MAN1A1: variants seen among roughly 807,000 people sequenced by gnomAD.
The protein encoded by MAN1A1 is mannosyl-oligosaccharide 1,2-alpha-mannosidase IA.
In MAN1A1, 29 loss-of-function variants were observed where a neutral mutation model predicts 70.8. The observed-to-expected ratio is 0.41, with a 90% confidence interval of 0.31 to 0.56. MAN1A1 has a LOEUF of 0.56. Ranked by LOEUF, MAN1A1 falls within the 20% of genes least tolerant of loss-of-function variation. The pLI, the probability that MAN1A1 is intolerant of heterozygous loss-of-function variation, is 0.29. For synonymous variants in MAN1A1, 349 were observed against 330.1 expected, an observed-to-expected ratio of 1.06 and a Z score of -0.62; for missense variants, 747 against 841.3, an observed-to-expected ratio of 0.89 and a Z score of 1.39.
Position 119,325,797 on chromosome 6 carries a change from G to C in MAN1A1, c.604-18805C>G, listed in dbSNP as rs6923542. 2.8e-3 allele frequency among the ~76,000 whole-genome samples: 431 copies of C among 152,254 alleles called. 3 individuals carry two copies. The highest frequency in any genetic ancestry group is 0.01 in the Middle Eastern group (3 of 294). ...CAACAAAAGTCCTAAGAAAAAAATG[G>C]AATATTCTTCCTATTGATCAATATT... On this transcript the variant is annotated intron_variant, in intron 2 of 12. Coordinates refer to ENST00000368468, the MANE Select transcript of MAN1A1 (RefSeq NM_005907.4).
intron 6 of MAN1A1, among the ~76,000 whole-genome samples, chr6:119,236,118 G>A (rs958408822): frequency 1.5e-4 from 20 of 131,758 alleles, no homozygotes; most frequent in Non-Finnish European, 3.0e-4. Context: ...CTGGATGATA[G>A]AGCAAGACTC....
chr6:119,203,235 G>C (rs1773764900), intron 7 of MAN1A1, among the ~76,000 whole-genome samples: 2 of 152,204 alleles, frequency 1.3e-5, no homozygotes, highest in African/African-American at 4.8e-5. Flanking sequence ...GTGATGTGGA[G>C]AGGCTATCCC....
At chr6:119,200,874 T>C (rs556740934) in intron 8 of MAN1A1, among the ~76,000 whole-genome samples, 2 of 152,264 alleles carry the variant, frequency 1.3e-5, no homozygotes, top group South Asian at 4.1e-4. Context: ...AGAAACAGAA[T>C]GTTAGGAAGC....
In MAN1A1 at chr6:119,343,844, G is replaced by A. The variant is rs900628524; in HGVS notation, c.603+4619C>T. 3.3e-5 allele frequency among the ~76,000 whole-genome samples: 5 copies of A among 152,142 alleles called. 1 individual carries two copies. In the South Asian group the frequency reaches 6.2e-4, roughly 19 times the overall value. Reference sequence around the variant, plus strand: ...AAGAAAGAAATTTAAAAGACCACAGGTGCTTGACTGGGTTAGGAGGTATAA... The same window carrying A: ...AAGAAAGAAATTTAAAAGACCACAGATGCTTGACTGGGTTAGGAGGTATAA... On this transcript the variant is annotated intron_variant, in intron 2 of 12. Coordinates refer to ENST00000368468, the MANE Select transcript of MAN1A1 (RefSeq NM_005907.4).
rs574827598 is a variant in MAN1A1, at chr6:119,248,448, T to A, written c.898-94A>T. Reference sequence around the variant, plus strand: ...AATAGTTACCACTTTTCTACTTTAATATTTTAGTATTTTCTACTTTTAATA... The same window carrying A: ...AATAGTTACCACTTTTCTACTTTAAAATTTTAGTATTTTCTACTTTTAATA... On this transcript the variant is annotated intron_variant, in intron 5 of 12. Coordinates refer to ENST00000368468, the MANE Select transcript of MAN1A1 (RefSeq NM_005907.4). 2.2e-5 allele frequency: 15 copies of A among 674,464 alleles called. No homozygotes were observed. The East Asian group carries it at 4.1e-4, about 19-fold the overall frequency. The allele number at this position is 674,464 out of a possible 1,614,324, so 41.8% of individuals were successfully genotyped here. A position where few individuals can be genotyped will look rare whatever the true frequency, so the allele number is the denominator to read the frequency against.
intron 2 of MAN1A1, among the ~76,000 whole-genome samples, chr6:119,347,562 G>A (rs1394959808): frequency 6.6e-6 from 1 of 152,166 alleles, no homozygotes; most frequent in Non-Finnish European, 1.5e-5. Context: ...CAGACCGCGT[G>A]GTGACAGGTG....
rs116767046 is a variant in MAN1A1, at chr6:119,191,673, T to C, written c.1327-1790A>G. Among the ~76,000 whole-genome samples, 424 of 152,308 alleles carry C rather than the reference T, an allele frequency of 2.8e-3. 4 individuals are homozygous for C. Among genetic ancestry groups the C allele is most frequent in the African/African-American group, 9.4e-3 (391 of 41,576 alleles). On this transcript the variant is annotated intron_variant, in intron 9 of 12. Transcript: ENST00000368468. Reference sequence around the variant, plus strand: ...CCCAGGTATCATTTGCCATTGTGAGTTCCTAGTGTAGTCTCCAGATAGGGC... The same window carrying C: ...CCCAGGTATCATTTGCCATTGTGAGCTCCTAGTGTAGTCTCCAGATAGGGC...
At chr6:119,269,311 CA>C (rs200027692) in intron 5 of MAN1A1, 6,247 of 268,358 alleles carry the variant, frequency 0.023, 116 homozygotes, top group Non-Finnish European at 0.034. Context: ...ACTCGTGAAC[CA>C]GGCACCCCAG....
intron 6 of MAN1A1, among the ~76,000 whole-genome samples, chr6:119,234,443 TCA>T (rs1774783719): frequency 6.6e-6 from 1 of 152,090 alleles, no homozygotes; most frequent in Admixed American, 6.6e-5. Flanking sequence ...AGACAGGGTC[TCA>T]CTCTGTCACT....
intron 6 of MAN1A1, chr6:119,210,912 T>C (rs1481333819): frequency 1.1e-5 from 5 of 456,312 alleles, no homozygotes; most frequent in Non-Finnish European, 1.8e-5. Flanking sequence ...CCATAGCCCT[T>C]GGGATATTGC....
chr6:119,295,836 C>A (rs1772201490), intron 4 of MAN1A1, among the ~76,000 whole-genome samples: 1 of 152,136 alleles, frequency 6.6e-6, no homozygotes, highest in East Asian at 1.9e-4. Context: ...CTGCCCACTA[C>A]ATACCAATGC....
intron 6 of MAN1A1, among the ~76,000 whole-genome samples, chr6:119,241,475 A>G (rs1170891377): frequency 6.6e-6 from 1 of 152,154 alleles, no homozygotes; most frequent in Non-Finnish European, 1.5e-5. Flanking sequence ...ATCAGCTGGA[A>G]TCTGGTTAGA....
At chr6:119,251,778 T>C (rs1274761808) in intron 5 of MAN1A1, among the ~76,000 whole-genome samples, 1 of 152,240 alleles carries the variant, frequency 6.6e-6, no homozygotes, top group Non-Finnish European at 1.5e-5. Context: ...AATTTACTGA[T>C]ATCACCACAG....
rs566315676 is a variant in MAN1A1 at position 119,249,100 on chromosome 6, C to T, written c.898-746G>A. Among the ~76,000 whole-genome samples the T allele has an allele frequency of 5.7e-4, 87 of 152,186 alleles. 1 individual carries two copies. In the Middle Eastern group the frequency reaches 0.024, roughly 42 times the overall value. The stretch of plus-strand genomic sequence containing the variant: ...CAGCATTGAACTGGGGCCGATAATA[C>T]CACAGACCGGAGTGAAGATTGAAAA... On this transcript the variant is annotated intron_variant, in intron 5 of 12. Transcript: ENST00000368468.
At chr6:119,344,255 G>A (rs56869361) in intron 2 of MAN1A1, among the ~76,000 whole-genome samples, 2,072 of 152,254 alleles carry the variant, frequency 0.014, 48 homozygotes, top group African/African-American at 0.047. Context: ...CAGTTGCCTT[G>A]ATAAGAGGAA....
Position 119,253,697 on chromosome 6 carries a change from G to T in MAN1A1, c.898-5343C>A, listed in dbSNP as rs143496118. 7.3e-3 allele frequency among the ~76,000 whole-genome samples: 1,111 copies of T among 152,272 alleles called. 9 individuals are homozygous for T. Among genetic ancestry groups the T allele is most frequent in the African/African-American group, 0.025 (1,042 of 41,556 alleles). On this transcript the variant is annotated intron_variant, in intron 5 of 12. Coordinates refer to ENST00000368468, the MANE Select transcript of MAN1A1 (RefSeq NM_005907.4). ...CTATTTGATTAATAAAGATGTGTTTGAGCCTAGTTATAATGATTTAAAATT... is the reference window on the plus strand; with the variant it reads ...CTATTTGATTAATAAAGATGTGTTTTAGCCTAGTTATAATGATTTAAAATT...
intron 2 of MAN1A1, among the ~76,000 whole-genome samples, chr6:119,331,203 C>T (rs195070): frequency 0.19 from 28,677 of 152,182 alleles, 3,144 homozygotes; most frequent in Admixed American, 0.3. Flanking sequence ...TTTGTTGTCA[C>T]TTCTATATAC....
At chr6:119,252,940 G>A (rs1775364026) in intron 5 of MAN1A1, among the ~76,000 whole-genome samples, 1 of 152,086 alleles carries the variant, frequency 6.6e-6, no homozygotes, top group Admixed American at 6.5e-5. Flanking sequence ...AGTTGCCACA[G>A]AACTGGATGT....
intron 6 of MAN1A1, among the ~76,000 whole-genome samples, chr6:119,206,783 CACTG>C (rs1234455617): frequency 1.3e-5 from 2 of 152,234 alleles, no homozygotes; most frequent in African/African-American, 2.4e-5. Flanking sequence ...ATCACTCCAT[CACTG>C]ACTAACGTCA....
Sources: gnomAD v4.1 joint callset for allele counts (sites outside exome capture counted in the v4.1 genomes callset) on GRCh38, gnomAD v4.1.1 for gene constraint, MANE v1.5 for transcripts, NCBI Gene and HGNC (gene_info 2026-07-23, HGNC 2026-07-21) for gene names.